SGSM1: variants seen among roughly 807,000 people sequenced by gnomAD.
The protein encoded by SGSM1 is RUN and TBC1 domain containing 2.
SGSM1 carries 73 observed loss-of-function variants against 133.8 expected under a neutral mutation model. The observed-to-expected ratio is 0.55, with a 90% CI of 0.45 to 0.66. SGSM1 has a LOEUF of 0.66. Among genes scored for constraint, SGSM1 ranks in the 30% least tolerant of loss-of-function variants. The pLI is 0.00. For synonymous variants in SGSM1, 563 were observed against 573.0 expected (o/e 0.98, Z 0.25); for missense variants, 1,213 against 1,448.1 (o/e 0.84, Z 2.64).
At chr22:24,896,909 G>A (rs571463840) in intron 18 of SGSM1, among the ~76,000 whole-genome samples, 9 of 152,174 alleles carry the variant, frequency 5.9e-5, no homozygotes, top group East Asian at 3.9e-4. Flanking sequence ...CCCGGGAGGC[G>A]GAGGTTGTGG....
At chr22:24,836,636 A>G (rs1929446969) in intron 2 of SGSM1, among the ~76,000 whole-genome samples, 1 of 152,216 alleles carries the variant, frequency 6.6e-6, no homozygotes, top group Admixed American at 6.5e-5. Flanking sequence ...CATAGCAGCC[A>G]TCCTAATAGG....
intron 2 of SGSM1, among the ~76,000 whole-genome samples, chr22:24,836,001 T>G (rs1929405956): frequency 6.6e-6 from 1 of 152,238 alleles, no homozygotes; most frequent in African/African-American, 2.4e-5. Flanking sequence ...TCTTAACCAT[T>G]TTTAAGTGTA....
chr22:24,910,034 G>A (rs1933561605), intron 21 of SGSM1, among the ~76,000 whole-genome samples: 2 of 152,186 alleles, frequency 1.3e-5, no homozygotes, highest in South Asian at 4.1e-4. Flanking sequence ...ATGTTCTGAT[G>A]CAAACTACAA....
At chr22:24,817,340 C>T (rs1258958807) in intron 2 of SGSM1, among the ~76,000 whole-genome samples, 1 of 146,782 alleles carries the variant, frequency 6.8e-6, no homozygotes. Flanking sequence ...AGAGTATCCT[C>T]AGATCCTCAG....
chr22:24,833,723 T>TG (rs1569138872), intron 2 of SGSM1, among the ~76,000 whole-genome samples: 1 of 151,284 alleles, frequency 6.6e-6, no homozygotes, highest in Non-Finnish European at 1.5e-5. Context: ...CCCATAGCGA[T>TG]GGGGGAGGTG....
intron 23 of SGSM1, among the ~76,000 whole-genome samples, chr22:24,918,771 G>T (rs964223023): frequency 2.0e-5 from 3 of 150,628 alleles, no homozygotes. Flanking sequence ...TACTCTTGTT[G>T]CCCAAGCTGG....
rs199733034 is a variant in SGSM1, at chr22:24,844,880, T to C, written c.64-17T>C. The C allele has an allele frequency of 1.8e-5, 29 of 1,613,164 alleles. No homozygotes were observed. In the African/African-American group the frequency reaches 3.9e-4, roughly 22 times the overall value. ...TCACCTTGGACCTCTTCCCCTCCGG[T>C]CACCTTTGCCTTCCAGGTGAAGCAG... On this transcript the variant is annotated splice_polypyrimidine_tract_variant and intron_variant, in intron 2 of 24. Coordinates refer to ENST00000400358, the MANE Select transcript of SGSM1 (RefSeq NM_001098497.3).
At chr22:24,814,374 C>G (rs984137824) in intron 2 of SGSM1, among the ~76,000 whole-genome samples, 1 of 152,102 alleles carries the variant, frequency 6.6e-6, no homozygotes, top group Non-Finnish European at 1.5e-5. Flanking sequence ...AAAATCCCCT[C>G]TTTTATGGAT....
At chr22:24,821,124 C>T (rs1459250460) in intron 2 of SGSM1, among the ~76,000 whole-genome samples, 1 of 152,312 alleles carries the variant, frequency 6.6e-6, no homozygotes, top group South Asian at 2.1e-4. Context: ...GCAACCTCCA[C>T]CTCCTGGGTT....
intron 13 of SGSM1, among the ~76,000 whole-genome samples, chr22:24,877,392 G>A (rs950425261): frequency 6.6e-6 from 1 of 152,102 alleles, no homozygotes; most frequent in African/African-American, 2.4e-5. Context: ...GACACTTAAT[G>A]TTTTATTATA....
chr22:24,857,247 C>CA (rs139694), intron 8 of SGSM1, among the ~76,000 whole-genome samples: 11,852 of 111,920 alleles, frequency 0.11, 617 homozygotes, highest in African/African-American at 0.18. Flanking sequence ...ACTAAAAATA[C>CA]AAAAAAAAAA....
chr22:24,879,958 C>T (rs1214959121), intron 14 of SGSM1, among the ~76,000 whole-genome samples: 1 of 152,090 alleles, frequency 6.6e-6, no homozygotes, highest in Non-Finnish European at 1.5e-5. Context: ...ATCCCTCCCC[C>T]AAAACTTAAA....
chr22:24,864,872 A>C (rs1409144735), intron 9 of SGSM1, among the ~76,000 whole-genome samples: 1 of 152,222 alleles, frequency 6.6e-6, no homozygotes, highest in Non-Finnish European at 1.5e-5. Context: ...AAAATGAGAA[A>C]CAGCCCTTGC....
chr22:24,810,541 C>T (rs972952996), intron 2 of SGSM1, among the ~76,000 whole-genome samples: 6 of 152,280 alleles, frequency 3.9e-5, no homozygotes, highest in South Asian at 2.1e-4. Flanking sequence ...TAACAACTGC[C>T]ATTAAAGGAG....
chr22:24,873,424 C>A (rs1034345601), intron 12 of SGSM1, among the ~76,000 whole-genome samples: 3 of 151,954 alleles, frequency 2.0e-5, no homozygotes, highest in Non-Finnish European at 2.9e-5. Flanking sequence ...GACAGTAGCA[C>A]CTAATTAATC....
At chr22:24,905,672 C>G (rs1386507057) in intron 21 of SGSM1, among the ~76,000 whole-genome samples, 1 of 151,276 alleles carries the variant, frequency 6.6e-6, no homozygotes, top group Non-Finnish European at 1.5e-5. Context: ...ACCTGTAGTC[C>G]CAGCTACTCA....
intron 2 of SGSM1, among the ~76,000 whole-genome samples, chr22:24,832,354 G>A (rs2147812179): frequency 6.6e-6 from 1 of 152,354 alleles, no homozygotes; most frequent in East Asian, 1.9e-4. Flanking sequence ...AAGAGGGTTA[G>A]TGTTATTTTC....
intron 3 of SGSM1, among the ~76,000 whole-genome samples, 187 bp from the exon 4 acceptor site, chr22:24,847,447 T>A (rs1569145391): frequency 1.3e-5 from 2 of 152,142 alleles, no homozygotes; most frequent in Non-Finnish European, 2.9e-5. Flanking sequence ...TCTTATATAG[T>A]CACTTTTTCA....
At chr22:24,861,722 A>G (rs1308482521) in intron 9 of SGSM1, among the ~76,000 whole-genome samples, 1 of 150,316 alleles carries the variant, frequency 6.7e-6, no homozygotes, top group Non-Finnish European at 1.5e-5. Flanking sequence ...TAATTTTTGT[A>G]TTTTCGTTAG....
Sources: gnomAD v4.1 joint callset for allele counts (sites outside exome capture counted in the v4.1 genomes callset) on GRCh38, gnomAD v4.1.1 for gene constraint, MANE v1.5 for transcripts, NCBI Gene and HGNC (gene_info 2026-07-23, HGNC 2026-07-21) for gene names.